ABCA9: variants seen among roughly 807,000 people sequenced by gnomAD.
ABCA9 encodes ATP binding cassette subfamily A member 9.
A neutral mutation model predicts 205.3 loss-of-function variants in ABCA9; 183 were observed. The ratio of observed to expected loss-of-function variants is 0.89; its 90% CI spans 0.79 to 1.01. The LOEUF (loss-of-function observed/expected upper bound fraction) is 1.01, where lower values mean the gene tolerates loss of function less well. Among genes scored for constraint, ABCA9 ranks in the 50% least tolerant of loss-of-function variants. The pLI is 0.00. For synonymous variants in ABCA9, 651 were observed against 683.3 expected (o/e 0.95, Z 0.74); for missense variants, 1,805 against 1,912.4 (o/e 0.94, Z 1.05).
chr17:68,999,365 G>A (rs1275046367), intron 25 of ABCA9, among the ~76,000 whole-genome samples: 4 of 139,450 alleles, frequency 2.9e-5, no homozygotes, highest in African/African-American at 1.1e-4. Context: ...CTATGAGTGA[G>A]AATATGCGGT....
intron 2 of ABCA9, among the ~76,000 whole-genome samples, chr17:69,050,299 C>T (rs1278540146): frequency 6.6e-6 from 1 of 151,186 alleles, no homozygotes; most frequent in African/African-American, 2.4e-5. Flanking sequence ...CCTATCCAAG[C>T]ATTCAATACA....
At position 68,982,654 on chromosome 17, in the gene ABCA9, G is replaced by A. The variant is rs777780864; in HGVS notation, c.4641-13C>T. 1 of 1,610,300 alleles carries A rather than the reference G, an allele frequency of 6.2e-7. No individual in the cohort carries two copies. The highest frequency in any genetic ancestry group is 8.5e-7 in the Non-Finnish European group (1 of 1,176,624). On this transcript the variant is annotated splice_polypyrimidine_tract_variant and intron_variant, in intron 36 of 38. Transcript: ENST00000340001. ...CAGGGAGGAGAACCTGCGAAGAGAA[G>A]ACAGTGAGGCTGAACTCCAGGTGTC... is the stretch of plus-strand genomic sequence containing the variant.
chr17:69,052,021 C>A (rs889211593), intron 1 of ABCA9, among the ~76,000 whole-genome samples: 22 of 152,104 alleles, frequency 1.4e-4, no homozygotes, highest in African/African-American at 5.3e-4. Context: ...ATTTTGTGTG[C>A]CACGAACTTA....
chr17:69,010,495 A>G (rs1001645153), intron 23 of ABCA9, among the ~76,000 whole-genome samples: 19 of 152,134 alleles, frequency 1.2e-4, no homozygotes, highest in Admixed American at 1.2e-3. Flanking sequence ...GAGATAAACA[A>G]GAGACAAATG....
chr17:69,044,871 C>T (rs2071658290), intron 4 of ABCA9, among the ~76,000 whole-genome samples: 1 of 152,120 alleles, frequency 6.6e-6, no homozygotes, highest in Non-Finnish European at 1.5e-5. Flanking sequence ...TCTTCTGTTG[C>T]TTACGTCAAG....
intron 6 of ABCA9, among the ~76,000 whole-genome samples, chr17:69,038,228 T>A (rs926587325): frequency 3.3e-5 from 5 of 152,128 alleles, no homozygotes; most frequent in Admixed American, 3.3e-4. Context: ...GAGGCCAGCA[T>A]CATCCTGATA....
At chr17:69,044,163 CA>C (rs1445180657) in intron 5 of ABCA9, among the ~76,000 whole-genome samples, 2 of 152,034 alleles carry the variant, frequency 1.3e-5, no homozygotes, top group African/African-American at 4.8e-5. Context: ...TGTGAATAGC[CA>C]CTGCATTCCA....
chr17:69,032,339 A>C, intron 9 of ABCA9, 63 bp from the exon 10 acceptor site: 1 of 1,486,328 alleles, frequency 6.7e-7, no homozygotes, highest in South Asian at 1.3e-5. Context: ...CCATCAGCAT[A>C]TCAGTGCAGC....
upstream of ABCA9, among the ~76,000 whole-genome samples, chr17:69,063,726 C>T (rs539080764): frequency 2.0e-5 from 3 of 152,086 alleles, no homozygotes; most frequent in Non-Finnish European, 2.9e-5. Flanking sequence ...GCGCCCGCCA[C>T]GATGCCCGGC....
chr17:68,990,991 C>T (rs753165598), intron 28 of ABCA9, 34 bp from the exon 29 acceptor site: 12 of 1,582,870 alleles, frequency 7.6e-6, no homozygotes, highest in Admixed American at 4.0e-5. Context: ...TGATAAACTT[C>T]GGGTTAAAAA....
At chr17:69,041,610 A>G (rs2071540226) in intron 6 of ABCA9, among the ~76,000 whole-genome samples, 1 of 152,132 alleles carries the variant, frequency 6.6e-6, no homozygotes, top group Admixed American at 6.6e-5. Context: ...AGGTTGAGGC[A>G]GAAGAATCAC....
In ABCA9 at chr17:69,032,284, A is replaced by G; in HGVS notation, c.1277-8T>C. 1.9e-6 allele frequency: 3 copies of G among 1,611,246 alleles called. No individual in the cohort carries two copies. The highest frequency in any genetic ancestry group is 1.7e-6 in the Non-Finnish European group (2 of 1,178,562). On this transcript the variant is annotated splice_polypyrimidine_tract_variant and splice_region_variant and intron_variant, in intron 9 of 38. Coordinates refer to ENST00000340001, the MANE Select transcript of ABCA9 (RefSeq NM_080283.4). ...ATCGATGTCCATATTCAGCTATGTGAGCAGGAGGCAATTGAATACTGGGTC... is the reference window on the plus strand; with the variant it reads ...ATCGATGTCCATATTCAGCTATGTGGGCAGGAGGCAATTGAATACTGGGTC...
At chr17:69,061,426 A>C (rs1332938479), upstream of ABCA9, among the ~76,000 whole-genome samples, 1 of 152,172 alleles carries the variant, frequency 6.6e-6, no homozygotes, top group African/African-American at 2.4e-5. Flanking sequence ...TAAAACTTGA[A>C]TCCAGAAATA....
chr17:69,035,700 A>G lies in ABCA9; in HGVS notation c.902T>C (p.Val301Ala). ...SAQIVVLTGF[V>A]MVFTLFLLYG... ...GAGGAGAAAGAGGGTGAAGACCATC[A>G]CAAAACCAGTCAGGACGACAATTTG... The change falls in exon 7 of 39, where the codon GTG becomes GCG. Residue 301 changes from valine (V) to alanine (A), a missense_variant. By Grantham distance (64) the Val-to-Ala change is moderately conservative (BLOSUM62 0). Coordinates refer to ENST00000340001, the MANE Select transcript of ABCA9 (RefSeq NM_080283.4). The G allele has an allele frequency of 6.2e-7, 1 of 1,613,818 alleles. No homozygotes were observed. Among genetic ancestry groups the G allele is most frequent in the South Asian group, 1.1e-5 (1 of 91,066 alleles).
At chr17:68,981,765 G>A (rs1160958244) in intron 37 of ABCA9, among the ~76,000 whole-genome samples, 2 of 146,422 alleles carry the variant, frequency 1.4e-5, no homozygotes, top group Non-Finnish European at 3.0e-5. Flanking sequence ...AGGCAGAGGT[G>A]CAGTGAGCCG....
intron 19 of ABCA9, among the ~76,000 whole-genome samples, chr17:69,019,614 T>C (rs1457292271): frequency 6.6e-6 from 1 of 152,174 alleles, no homozygotes; most frequent in Non-Finnish European, 1.5e-5. Flanking sequence ...CTGTCATGTC[T>C]GATTTCTTTT....
intron 6 of ABCA9, among the ~76,000 whole-genome samples, chr17:69,037,573 G>C (rs2071386716): frequency 1.3e-5 from 2 of 152,162 alleles, no homozygotes; most frequent in African/African-American, 4.8e-5. Context: ...GCAGTGTTTA[G>C]AGGAAAATTA....
chr17:69,078,024 C>A, the ABCA9 span, among the ~76,000 whole-genome samples: 2 of 151,740 alleles, frequency 1.3e-5, no homozygotes, highest in Non-Finnish European at 2.9e-5. Flanking sequence ...AAAATTAGCA[C>A]CCCCTGAAAA....
chr17:69,051,087 C>T lies in ABCA9; in HGVS notation c.40G>A (p.Ala14Thr), dbSNP rs534765015. Residue 14 changes from alanine to threonine, a missense_variant, in exon 2 of 39, where the codon GCT (alanine) becomes ACT (threonine). Ala to Thr is a moderately conservative substitution (Grantham distance 58). Transcript: ENST00000340001. ...TTGAGACAGTTCTTGCAGAGAAGAG[C>T]CCATGTTTGCTGACCCACGCTCATG... is the stretch of plus-strand genomic sequence containing the variant. ...RRMSVGQQTW[A>T]LLCKNCLKKW... 1.9e-6 allele frequency: 3 copies of T among 1,613,560 alleles called. No homozygotes were observed.
Sources: gnomAD v4.1 joint callset for allele counts (sites outside exome capture counted in the v4.1 genomes callset) on GRCh38, gnomAD v4.1.1 for gene constraint, MANE v1.5 for transcripts, NCBI Gene and HGNC (gene_info 2026-07-23, HGNC 2026-07-21) for gene names.